The following IL1RAPL1 variants were observed in gnomAD, a reference collection of about 807,000 sequenced individuals.
IL1RAPL1 encodes interleukin 1 receptor accessory protein like 1.
A neutral mutation model predicts 48.4 loss-of-function variants in IL1RAPL1; 3 were observed. The ratio of observed to expected loss-of-function variants is 0.06; its 90% CI spans 0.03 to 0.16. IL1RAPL1 has a LOEUF of 0.16. Ranked by LOEUF, IL1RAPL1 falls within the 10% of genes least tolerant of loss-of-function variation. The pLI, the probability that IL1RAPL1 is intolerant of heterozygous loss-of-function variation, is 1.00. For synonymous variants in IL1RAPL1, 185 were observed against 187.7 expected (o/e 0.99, Z 0.12); for missense variants, 349 against 530.6 (o/e 0.66, Z 3.36).
At chrX:29,337,634 G>C (rs1288429195) in intron 3 of IL1RAPL1, among the ~76,000 whole-genome samples, 2 of 111,297 alleles carry the variant, frequency 1.8e-5, no homozygotes, top group Non-Finnish European at 3.8e-5. Flanking sequence ...TATTAAATAA[G>C]ATACTATACA....
At chrX:28,904,902 A>G (rs1295286015) in intron 2 of IL1RAPL1, among the ~76,000 whole-genome samples, 1 of 112,135 alleles carries the variant, frequency 8.9e-6, no homozygotes, top group Non-Finnish European at 1.9e-5. Context: ...CTTACCATTT[A>G]AGTAAAATCA....
intron 3 of IL1RAPL1, among the ~76,000 whole-genome samples, chrX:29,391,550 T>C (rs1336362555): frequency 9.0e-6 from 1 of 111,253 alleles, no homozygotes; most frequent in African/African-American, 3.3e-5. Context: ...TTTAAGGACC[T>C]AAATTTTCAA....
chrX:28,671,952 C>T (rs1182614583), intron 1 of IL1RAPL1, among the ~76,000 whole-genome samples: 1 of 112,591 alleles, frequency 8.9e-6, no homozygotes, highest in Non-Finnish European at 1.9e-5. Context: ...CTGACATATA[C>T]TGTTATAACT....
intron 4 of IL1RAPL1, among the ~76,000 whole-genome samples, chrX:29,397,621 T>C (rs1185918002): frequency 9.0e-6 from 1 of 110,846 alleles, no homozygotes; most frequent in East Asian, 2.8e-4. Context: ...GAGTATTTCT[T>C]ATCCTTAACC....
chrX:29,243,813 G>T (rs1411873975), intron 2 of IL1RAPL1, among the ~76,000 whole-genome samples: 4 of 111,336 alleles, frequency 3.6e-5, no homozygotes, highest in Non-Finnish European at 7.5e-5. Context: ...TTTCACCAGG[G>T]GTTTCACCAA....
chrX:28,829,876 T>G (rs2147285608), intron 2 of IL1RAPL1, among the ~76,000 whole-genome samples: 1 of 111,341 alleles, frequency 9.0e-6, no homozygotes, highest in Admixed American at 9.5e-5. Flanking sequence ...TTTCAGATTT[T>G]TTTTTTCATC....
At chrX:28,815,865 A>G (rs867353610) in intron 2 of IL1RAPL1, among the ~76,000 whole-genome samples, 7 of 73,317 alleles carry the variant, frequency 9.5e-5, no homozygotes, top group South Asian at 7.9e-4. Context: ...ATATATATAT[A>G]TATATATATA....
intron 2 of IL1RAPL1, among the ~76,000 whole-genome samples, chrX:28,854,436 A>ATTTAGGAAGATGTGAAG (rs1249182682): frequency 2.2e-5 from 1 of 45,964 alleles, no homozygotes; most frequent in South Asian, 6.8e-4. Flanking sequence ...AAGATGTGAA[A>ATTTAGGAAGATGTGAAG]TTTAGGAAGA....
chrX:28,676,020 T>A (rs1341458127), intron 1 of IL1RAPL1, among the ~76,000 whole-genome samples: 4 of 111,801 alleles, frequency 3.6e-5, no homozygotes, highest in African/African-American at 1.3e-4. Flanking sequence ...TCATTGGTAA[T>A]CATTGTTAAA....
intron 2 of IL1RAPL1, among the ~76,000 whole-genome samples, chrX:29,210,480 G>A (rs892154556): frequency 4.5e-5 from 5 of 112,120 alleles, no homozygotes; most frequent in South Asian, 3.7e-4. Flanking sequence ...ATAGTCAAAT[G>A]TGCATCATTT....
In IL1RAPL1 at chrX:28,958,483, C is replaced by A. The variant is rs189194266; in HGVS notation, c.82+169058C>A. On this transcript the variant is annotated intron_variant, in intron 2 of 10. Transcript: ENST00000378993. ...TTGCAATGTACTATAGACATGCATG[C>A]AAATCCATACTGGGGCAAGTAAGCT... 4.6e-4 allele frequency among the ~76,000 whole-genome samples: 51 copies of A among 111,723 alleles called. 1 individual carries two copies. Among genetic ancestry groups the A allele is most frequent in the African/African-American group, 1.6e-3 (50 of 30,767 alleles).
chrX:28,691,952 G>A (rs1935182591), intron 1 of IL1RAPL1, among the ~76,000 whole-genome samples: 1 of 111,358 alleles, frequency 9.0e-6, no homozygotes, highest in Non-Finnish European at 1.9e-5. Flanking sequence ...GAGAAGCATG[G>A]CACTAGTATC....
intron 1 of IL1RAPL1, among the ~76,000 whole-genome samples, chrX:28,619,990 T>C (rs954245794): frequency 9.0e-6 from 1 of 111,257 alleles, no homozygotes; most frequent in African/African-American, 3.3e-5. Flanking sequence ...TTTGATGAAA[T>C]AACTTTGGAA....
intron 6 of IL1RAPL1, among the ~76,000 whole-genome samples, chrX:29,740,906 T>G (rs1191479000): frequency 8.9e-6 from 1 of 112,564 alleles, no homozygotes; most frequent in African/African-American, 3.2e-5. Context: ...TGTTCTCATT[T>G]CTGTTCTAGT....
chrX:29,230,042 C>G (rs892844889), intron 2 of IL1RAPL1, among the ~76,000 whole-genome samples: 1 of 111,822 alleles, frequency 8.9e-6, no homozygotes, highest in Non-Finnish European at 1.9e-5. Context: ...CTAAATGACT[C>G]AACCCATCAC....
At chrX:29,281,127 A>G (rs1602149633) in intron 2 of IL1RAPL1, among the ~76,000 whole-genome samples, 1 of 111,585 alleles carries the variant, frequency 9.0e-6, no homozygotes, top group East Asian at 2.8e-4. Context: ...CTTGAATATT[A>G]TATTATTTAT....
chrX:29,109,659 A>AAAC (rs1222237681), intron 2 of IL1RAPL1, among the ~76,000 whole-genome samples: 2 of 110,778 alleles, frequency 1.8e-5, no homozygotes, highest in Non-Finnish European at 3.8e-5. Flanking sequence ...AGTTGTGGAC[A>AAAC]TTGAGTATAT....
chrX:29,626,482 A>G (rs938707047), intron 5 of IL1RAPL1, among the ~76,000 whole-genome samples: 3 of 112,271 alleles, frequency 2.7e-5, no homozygotes, highest in Admixed American at 9.5e-5. Flanking sequence ...CATAAGCTGA[A>G]TTAATATAAG....
At chrX:28,832,181 G>C (rs35096792) in intron 2 of IL1RAPL1, among the ~76,000 whole-genome samples, 10,782 of 110,117 alleles carry the variant, frequency 0.098, 484 homozygotes, top group Middle Eastern at 0.25. Context: ...CAGTGCTATA[G>C]AACACTGGAA....
Sources: allele counts gnomAD v4.1 joint callset (sites outside exome capture counted in the v4.1 genomes callset), GRCh38; gene constraint gnomAD v4.1.1; transcripts MANE v1.5; gene names NCBI Gene and HGNC (gene_info 2026-07-23, HGNC 2026-07-21).